COL19A1: variants seen among roughly 807,000 people sequenced by gnomAD.
COL19A1 encodes the protein collagen type XIX alpha 1 chain, also known as collagen alpha-1(XIX) chain.
A neutral mutation model predicts 190.2 loss-of-function variants in COL19A1; 159 were observed. The ratio of observed to expected loss-of-function variants is 0.84; its 90% CI spans 0.73 to 0.95. COL19A1 has a LOEUF of 0.95. Ranked by LOEUF, COL19A1 falls within the 40% of genes least tolerant of loss-of-function variation. The pLI, the probability that COL19A1 is intolerant of heterozygous loss-of-function variation, is 0.00. For synonymous variants in COL19A1, 509 were observed against 458.9 expected (o/e 1.11, Z -1.39); for missense variants, 1,418 against 1,431.9 (o/e 0.99, Z 0.16).
At chr6:70,141,098 T>C in intron 20 of COL19A1, 109 bp downstream of exon 20, 2 of 934,056 alleles carry the variant, frequency 2.1e-6, no homozygotes, top group Middle Eastern at 2.8e-4. Context: ...TTAAATAAGG[T>C]CCATGAGCAT....
intron 14 of COL19A1, among the ~76,000 whole-genome samples, chr6:70,067,696 T>C (rs973993239): frequency 2.0e-5 from 3 of 152,064 alleles, no homozygotes; most frequent in African/African-American, 7.2e-5. Context: ...CTCCCGCATT[T>C]AATGGTTGAT....
chr6:70,063,031 G>A (rs1465804809), intron 14 of COL19A1, among the ~76,000 whole-genome samples: 1 of 152,104 alleles, frequency 6.6e-6, no homozygotes, highest in Non-Finnish European at 1.5e-5. Flanking sequence ...CAGTAATAAT[G>A]GGAGACTTTA....
intron 16 of COL19A1, among the ~76,000 whole-genome samples, chr6:70,104,587 A>G (rs1273717531): frequency 6.6e-6 from 1 of 152,228 alleles, no homozygotes. Context: ...GAGCCAAACC[A>G]TATCAGTATG....
At chr6:69,953,947 A>G (rs545916743) in intron 9 of COL19A1, among the ~76,000 whole-genome samples, 1 of 152,120 alleles carries the variant, frequency 6.6e-6, no homozygotes, top group South Asian at 2.1e-4. Flanking sequence ...GTATTTTATA[A>G]AGACATCTAT....
At chr6:70,091,157 C>T (rs913724038) in intron 15 of COL19A1, among the ~76,000 whole-genome samples, 2 of 152,026 alleles carry the variant, frequency 1.3e-5, no homozygotes, top group African/African-American at 4.8e-5. Context: ...TAAGTATAGC[C>T]TAGTGGTAAT....
chr6:70,103,620 G>C (rs1783772290), intron 16 of COL19A1, among the ~76,000 whole-genome samples: 1 of 152,010 alleles, frequency 6.6e-6, no homozygotes, highest in Non-Finnish European at 1.5e-5. Context: ...TTTCAAAAAT[G>C]CCATCACTTG....
At chr6:70,187,347 C>A (rs919873030) in intron 46 of COL19A1, among the ~76,000 whole-genome samples, 1 of 152,186 alleles carries the variant, frequency 6.6e-6, no homozygotes, top group Admixed American at 6.5e-5. Context: ...CACATGCATA[C>A]ACGTGTAAAG....
At chr6:70,182,837 A>T (rs1481205643) in intron 44 of COL19A1, among the ~76,000 whole-genome samples, 1 of 152,184 alleles carries the variant, frequency 6.6e-6, no homozygotes, top group Non-Finnish European at 1.5e-5. Flanking sequence ...AGGAGAGTGA[A>T]GACTACTTTG....
chr6:70,207,994 G>C lies in COL19A1; in HGVS notation c.*720G>C, dbSNP rs1206863933. Reference sequence around the variant, plus strand: ...ATCACCACTGGCATGAATAAGTACTGCATGAAAAGGGAGTATCAAATTCCA... The same window carrying C: ...ATCACCACTGGCATGAATAAGTACTCCATGAAAAGGGAGTATCAAATTCCA... On this transcript the variant is annotated 3_prime_UTR_variant, in exon 51 of 51. Coordinates refer to ENST00000620364, the MANE Select transcript of COL19A1 (RefSeq NM_001858.6). 1.3e-5 allele frequency: 2 copies of C among 152,148 alleles called. No individual in the cohort carries two copies. 9.4% of individuals were successfully genotyped at this position (152,148 alleles called of 1,614,324 possible).
intron 1 of COL19A1, among the ~76,000 whole-genome samples, chr6:69,870,777 A>G (rs1322332822): frequency 6.6e-6 from 1 of 152,236 alleles, no homozygotes; most frequent in Non-Finnish European, 1.5e-5. Context: ...AAAGGAATCC[A>G]GTTAGGAGTC....
intron 27 of COL19A1, 53 bp downstream of exon 27, chr6:70,146,942 C>A (rs1786694995): frequency 2.1e-6 from 3 of 1,456,278 alleles, no homozygotes; most frequent in African/African-American, 1.4e-5. Flanking sequence ...GAAACAAAAT[C>A]CAGTGTCAAA....
chr6:69,924,121 A>G (rs939020843), intron 4 of COL19A1, among the ~76,000 whole-genome samples: 3 of 152,082 alleles, frequency 2.0e-5, no homozygotes, highest in Non-Finnish European at 4.4e-5. Flanking sequence ...TTTAAATTAT[A>G]CTTTAAGTTC....
chr6:70,170,991 C>G (rs888180402), intron 40 of COL19A1, among the ~76,000 whole-genome samples: 1 of 152,136 alleles, frequency 6.6e-6, no homozygotes, highest in Non-Finnish European at 1.5e-5. Context: ...AATTTATTAA[C>G]AAGAAGGCAT....
At chr6:70,130,954 T>C (rs755037582) in intron 18 of COL19A1, 30 of 306,632 alleles carry the variant, frequency 9.8e-5, no homozygotes, top group Non-Finnish European at 1.7e-4. Flanking sequence ...GGTGGGGTTT[T>C]ATACTGTCCA....
intron 48 of COL19A1, among the ~76,000 whole-genome samples, chr6:70,196,307 T>C (rs1429871064): frequency 6.6e-6 from 1 of 152,188 alleles, no homozygotes; most frequent in Non-Finnish European, 1.5e-5. Context: ...AAATAGATTG[T>C]GAAGCCTATG....
chr6:69,888,957 C>T (rs1769138936), intron 2 of COL19A1, among the ~76,000 whole-genome samples: 1 of 152,006 alleles, frequency 6.6e-6, no homozygotes, highest in African/African-American at 2.4e-5. Flanking sequence ...AGGATGTGTA[C>T]AGGGGGGCTG....
In COL19A1 at chr6:70,026,765, T is replaced by C. The variant is rs139631414; in HGVS notation, c.1080+3085T>C. Among the ~76,000 whole-genome samples, 194 of 152,236 alleles carry C rather than the reference T, an allele frequency of 1.3e-3. 1 individual carries two copies. Among genetic ancestry groups the C allele is most frequent in the East Asian group, 5.6e-3 (29 of 5,186 alleles). On this transcript the variant is annotated intron_variant, in intron 12 of 50. Transcript: ENST00000620364. ...AAATTTGACCCTCACCCAGCTTAAT[T>C]GGCTAGTAGAGTGGGGAATGATAGT...
chr6:70,085,097 T>C, intron 15 of COL19A1, among the ~76,000 whole-genome samples: 1 of 152,332 alleles, frequency 6.6e-6, no homozygotes, highest in East Asian at 1.9e-4. Context: ...TGCTAATTAT[T>C]ATATCATAGT....
At chr6:69,918,141 A>T (rs946251148) in intron 4 of COL19A1, among the ~76,000 whole-genome samples, 1 of 152,184 alleles carries the variant, frequency 6.6e-6, no homozygotes, top group East Asian at 1.9e-4. Flanking sequence ...ATCATACCTT[A>T]TGAGTCATGG....
Sources: allele counts gnomAD v4.1 joint callset (sites outside exome capture counted in the v4.1 genomes callset), GRCh38; gene constraint gnomAD v4.1.1; transcripts MANE v1.5; gene names NCBI Gene and HGNC (gene_info 2026-07-23, HGNC 2026-07-21).